IL1RAPL2: variants seen among roughly 807,000 people sequenced by gnomAD.
The protein encoded by IL1RAPL2 is X-linked interleukin-1 receptor accessory protein-like 2.
A neutral mutation model predicts 44.1 loss-of-function variants in IL1RAPL2; 3 were observed. The ratio of observed to expected loss-of-function variants is 0.07; its 90% CI spans 0.03 to 0.18. The LOEUF is 0.18. IL1RAPL2 is among the 10% of genes least tolerant of loss of function. The probability of loss-of-function intolerance (pLI) is 1.00; values close to 1 mark genes in which losing one functional copy is unlikely to be tolerated. For synonymous variants in IL1RAPL2, 181 were observed against 178.8 expected (o/e 1.01, Z -0.10); for missense variants, 391 against 496.4 (o/e 0.79, Z 2.02).
At chrX:105,302,356 C>T (rs1357535547) in intron 5 of IL1RAPL2, among the ~76,000 whole-genome samples, 1 of 111,889 alleles carries the variant, frequency 8.9e-6, no homozygotes. Context: ...TGTGCAGACA[C>T]TTCTTAACTT....
At chrX:104,912,459 C>G (rs1210497600) in intron 2 of IL1RAPL2, among the ~76,000 whole-genome samples, 2 of 110,800 alleles carry the variant, frequency 1.8e-5, no homozygotes, top group East Asian at 5.6e-4. Context: ...CCCTGGTGGA[C>G]TAGTATAAGT....
chrX:104,743,186 G>T (rs1025968613), intron 2 of IL1RAPL2, among the ~76,000 whole-genome samples: 1 of 110,666 alleles, frequency 9.0e-6, no homozygotes, highest in Non-Finnish European at 1.9e-5. Flanking sequence ...TCTTTACTCC[G>T]AGTGCTTCTT....
chrX:104,757,730 T>A (rs1932362868), intron 2 of IL1RAPL2, among the ~76,000 whole-genome samples: 1 of 111,952 alleles, frequency 8.9e-6, no homozygotes, highest in South Asian at 3.7e-4. Flanking sequence ...TTTTCCATAT[T>A]TCCCATATTT....
chrX:105,604,763 G>A (rs759629894), intron 6 of IL1RAPL2, among the ~76,000 whole-genome samples: 6 of 110,580 alleles, frequency 5.4e-5, no homozygotes, highest in Admixed American at 9.6e-5. Flanking sequence ...CCAAATACAA[G>A]CACACCAAAT....
intron 1 of IL1RAPL2, among the ~76,000 whole-genome samples, chrX:104,616,810 C>T (rs763057519): frequency 5.4e-5 from 6 of 111,609 alleles, no homozygotes; most frequent in East Asian, 2.8e-4. Context: ...CCTGAATGCT[C>T]GGAGACACTG....
rs757371896 is a variant in IL1RAPL2, at chrX:105,640,286, C to T, written c.773-77081C>T. Among the ~76,000 whole-genome samples the T allele has an allele frequency of 6.4e-5, 7 of 109,609 alleles. No individual in the cohort carries two copies. The South Asian group carries it at 2.4e-3, about 37-fold the overall frequency. On this transcript the variant is annotated intron_variant, in intron 6 of 10. Coordinates refer to ENST00000372582, the MANE Select transcript of IL1RAPL2 (RefSeq NM_017416.2). ...TGGCCTGGCTTCTCAGGAATGCCTA[C>T]CATCAGCAGGGACCAGTCACACATT... is the stretch of plus-strand genomic sequence containing the variant.
chrX:104,727,753 A>G (rs1931824809), intron 2 of IL1RAPL2, among the ~76,000 whole-genome samples: 1 of 111,576 alleles, frequency 9.0e-6, no homozygotes, highest in Admixed American at 9.5e-5. Context: ...CTATTCAGCC[A>G]TAAAAATAAA....
At chrX:104,715,195 T>TGGGA (rs1353310725) in intron 2 of IL1RAPL2, among the ~76,000 whole-genome samples, 6 of 109,706 alleles carry the variant, frequency 5.5e-5, no homozygotes, top group Non-Finnish European at 1.1e-4. Context: ...AATCTTTTCC[T>TGGGA]GGTTCAGTCT....
intron 2 of IL1RAPL2, among the ~76,000 whole-genome samples, chrX:105,121,519 G>A (rs1354706345): frequency 9.0e-6 from 1 of 111,431 alleles, no homozygotes; most frequent in African/African-American, 3.3e-5. Flanking sequence ...ATTTATACTG[G>A]GCTACGAGTG....
intron 6 of IL1RAPL2, among the ~76,000 whole-genome samples, chrX:105,575,919 G>A (rs775128528): frequency 4.9e-4 from 55 of 111,404 alleles, no homozygotes; most frequent in Non-Finnish European, 8.5e-4. Context: ...TTTTCCTAAC[G>A]ATTAGTGATA....
At chrX:105,011,267 ATATT>A (rs10568256) in intron 2 of IL1RAPL2, among the ~76,000 whole-genome samples, 7,715 of 111,294 alleles carry the variant, frequency 0.069, 680 homozygotes, top group African/African-American at 0.24. Context: ...TTAATTCTCA[ATATT>A]TATTATGATT....
chrX:104,728,609 T>C (rs1158363763), intron 2 of IL1RAPL2, among the ~76,000 whole-genome samples: 2 of 110,981 alleles, frequency 1.8e-5, no homozygotes, highest in Non-Finnish European at 3.8e-5. Context: ...CTGACGTCCT[T>C]ATAAAAAGGG....
chrX:105,727,333 A>T (rs1447799351), intron 7 of IL1RAPL2, among the ~76,000 whole-genome samples: 1 of 112,111 alleles, frequency 8.9e-6, no homozygotes, highest in Non-Finnish European at 1.9e-5. Flanking sequence ...AGATTTCACT[A>T]AAATTTCATT....
chrX:104,833,002 G>C (rs1337614955), intron 2 of IL1RAPL2, among the ~76,000 whole-genome samples: 1 of 111,851 alleles, frequency 8.9e-6, no homozygotes, highest in Admixed American at 9.5e-5. Context: ...AATTTGTGTA[G>C]AAAATATACA....
At chrX:105,083,511 A>C (rs2147550134) in intron 2 of IL1RAPL2, among the ~76,000 whole-genome samples, 1 of 111,207 alleles carries the variant, frequency 9.0e-6, no homozygotes, top group African/African-American at 3.3e-5. Context: ...CAAGACACAT[A>C]ATTATCAGAT....
chrX:105,144,810 A>G (rs989714890), intron 2 of IL1RAPL2, among the ~76,000 whole-genome samples: 1 of 111,513 alleles, frequency 9.0e-6, no homozygotes, highest in African/African-American at 3.3e-5. Context: ...TGATTGAATG[A>G]ATGAATGTTT....
intron 7 of IL1RAPL2, among the ~76,000 whole-genome samples, chrX:105,732,456 G>GCACCTC (rs1217536140): frequency 9.1e-6 from 1 of 109,788 alleles, no homozygotes; most frequent in East Asian, 2.9e-4. Context: ...TGTGTAGTGT[G>GCACCTC]CACCTCCCCA....
intron 2 of IL1RAPL2, among the ~76,000 whole-genome samples, chrX:104,761,950 T>C (rs781179169): frequency 1.8e-4 from 16 of 86,737 alleles, no homozygotes; most frequent in Non-Finnish European, 3.1e-4. Flanking sequence ...TTCTTCTTCT[T>C]CTTCTTCTTC....
At chrX:105,103,717 C>A (rs2147561433) in intron 2 of IL1RAPL2, among the ~76,000 whole-genome samples, 1 of 111,323 alleles carries the variant, frequency 9.0e-6, no homozygotes, top group Admixed American at 9.6e-5. Flanking sequence ...GTACTGGGAC[C>A]AAGAAAGGCA....
Sources: gnomAD v4.1 joint callset for allele counts (sites outside exome capture counted in the v4.1 genomes callset) on GRCh38, gnomAD v4.1.1 for gene constraint, MANE v1.5 for transcripts, NCBI Gene and HGNC (gene_info 2026-07-23, HGNC 2026-07-21) for gene names.